The following SMG6 variants were observed in gnomAD, a reference collection of about 807,000 sequenced individuals.
SMG6 encodes SMG6 nonsense mediated mRNA decay factor.
In SMG6, 66 loss-of-function variants were observed where a neutral mutation model predicts 142.2. The observed-to-expected ratio is 0.46, with a 90% CI of 0.38 to 0.57. The LOEUF (loss-of-function observed/expected upper bound fraction) is 0.57, where lower values mean the gene tolerates loss of function less well. Ranked by LOEUF, SMG6 falls within the 20% of genes least tolerant of loss-of-function variation. SMG6 has a pLI of 0.00. For synonymous variants in SMG6, 779 were observed against 702.4 expected (o/e 1.11, Z -1.72); for missense variants, 1,793 against 1,832.0 (o/e 0.98, Z 0.39).
At chr17:2,294,879 CT>C (rs35762226) in intron 4 of SMG6, among the ~76,000 whole-genome samples, 83,145 of 146,460 alleles carry the variant, frequency 0.57, 24,277 homozygotes, top group East Asian at 0.75. Flanking sequence ...TCAATAAACA[CT>C]TTTTTTTTTT....
chr17:2,145,894 G>A (rs1341457427), intron 13 of SMG6, among the ~76,000 whole-genome samples: 2 of 151,990 alleles, frequency 1.3e-5, no homozygotes, highest in African/African-American at 2.4e-5. Flanking sequence ...GTCTGCAACT[G>A]TTCCTGAGTA....
intron 10 of SMG6, among the ~76,000 whole-genome samples, chr17:2,207,394 T>C (rs1025429827): frequency 1.3e-5 from 2 of 152,180 alleles, no homozygotes; most frequent in Non-Finnish European, 2.9e-5. Context: ...ACCTGCTATC[T>C]AATGCAGTTG....
At chr17:2,192,102 A>G (rs1402961576) in intron 10 of SMG6, among the ~76,000 whole-genome samples, 1 of 152,246 alleles carries the variant, frequency 6.6e-6, no homozygotes, top group African/African-American at 2.4e-5. Context: ...AGGATGGCAA[A>G]GCATCCTCCT....
chr17:2,234,599 A>G (rs2151801595), intron 10 of SMG6, among the ~76,000 whole-genome samples: 1 of 152,278 alleles, frequency 6.6e-6, no homozygotes, highest in South Asian at 2.1e-4. Context: ...AACAACAGCT[A>G]CAAGAAAAAG....
chr17:2,146,942 G>A (rs2070686279), intron 13 of SMG6, among the ~76,000 whole-genome samples: 1 of 152,200 alleles, frequency 6.6e-6, no homozygotes, highest in African/African-American at 2.4e-5. Context: ...ACAGCTCTTT[G>A]AGCTGGGTAG....
intron 15 of SMG6, chr17:2,073,038 G>C (rs765069630): frequency 6.6e-6 from 1 of 152,246 alleles, no homozygotes; most frequent in African/African-American, 2.4e-5. Context: ...AACTGGGGAT[G>C]AGGAGGGGTG....
At chr17:2,114,973 AT>A (rs1294864909) in intron 13 of SMG6, among the ~76,000 whole-genome samples, 6 of 108,616 alleles carry the variant, frequency 5.5e-5, no homozygotes, top group Non-Finnish European at 8.7e-5. Context: ...ATGAAATGAA[AT>A]AAAATAAAAT....
intron 6 of SMG6, 108 bp from the exon 7 acceptor site, chr17:2,283,843 CTG>C: frequency 1.3e-6 from 1 of 764,888 alleles, no homozygotes; most frequent in South Asian, 1.6e-5. Context: ...GTCTCCCAAA[CTG>C]AGAGGAATCC....
chr17:2,280,631 A>C (rs1286894997), intron 8 of SMG6: 1 of 978,382 alleles, frequency 1.0e-6, no homozygotes, highest in African/African-American at 1.8e-5. Context: ...ATTTAAATTT[A>C]AAGAAAATTA....
chr17:2,303,785 C>T lies in SMG6; in HGVS notation c.-65G>A, dbSNP rs1390617085. On this transcript the variant is annotated 5_prime_UTR_variant, in exon 1 of 19. In the 5' UTR this introduces an upstream ATG that the reference lacks. Transcript: ENST00000263073. ...GCCGCGCGCAGCCAGGAAACCACCA[C>T]AGACGGGCGGCGCGCGCGCTCGCCC... The T allele has an allele frequency of 5.3e-5, 73 of 1,364,988 alleles. No homozygotes were observed. Among genetic ancestry groups the T allele is most frequent in the Non-Finnish European group, 6.8e-5 (70 of 1,026,606 alleles). The allele number at this position is 1,364,988 out of a possible 1,614,324, so 84.6% of individuals were successfully genotyped here. A position where few individuals can be genotyped will look rare whatever the true frequency, so the allele number is the denominator to read the frequency against.
chr17:2,229,320 T>C (rs2073405512), intron 10 of SMG6: 1 of 152,232 alleles, frequency 6.6e-6, no homozygotes, highest in African/African-American at 2.4e-5. Context: ...CCAACTCTCT[T>C]ACCTTTACTC....
chr17:2,131,224 T>C (rs568906584), intron 13 of SMG6, among the ~76,000 whole-genome samples: 30 of 152,236 alleles, frequency 2.0e-4, no homozygotes, highest in African/African-American at 5.1e-4. Context: ...GAGACTAGTG[T>C]AATAAATAAA....
In SMG6 at chr17:2,068,997, C is replaced by T; in HGVS notation, c.3682-66G>A. 6.5e-7 allele frequency: 1 copy of T among 1,536,254 alleles called. No homozygotes were observed. The highest frequency in any genetic ancestry group is 8.9e-7 in the Non-Finnish European group (1 of 1,118,880). The stretch of plus-strand genomic sequence containing the variant: ...GCAAGCAGGTGGGTGAGCCAGGGCC[C>T]TGACACTACGGTGTGTCAGCATCCT... On this transcript the variant is annotated intron_variant, in intron 15 of 18. Coordinates refer to ENST00000263073, the MANE Select transcript of SMG6 (RefSeq NM_017575.5). This position sits in a 1 kb window ranked among gnomAD's most constrained non-coding sequence, Gnocchi z 6.7.
chr17:2,216,482 T>A (rs1269134488), intron 10 of SMG6, among the ~76,000 whole-genome samples: 1 of 152,244 alleles, frequency 6.6e-6, no homozygotes, highest in Non-Finnish European at 1.5e-5. Flanking sequence ...CAGAATTTTT[T>A]AAAAATATAA....
At chr17:2,172,309 G>C (rs955391203) in intron 13 of SMG6, among the ~76,000 whole-genome samples, 6 of 152,080 alleles carry the variant, frequency 3.9e-5, no homozygotes, top group Non-Finnish European at 7.4e-5. Context: ...GTGGCGGAGG[G>C]GGGCGGGGAG....
rs761840703 is a variant in SMG6, at chr17:2,186,715, C to T, written c.3103G>A (p.Gly1035Ser). The T allele has an allele frequency of 3.4e-5, 55 of 1,614,092 alleles. No individual in the cohort carries two copies. The highest frequency in any genetic ancestry group is 4.2e-5 in the Non-Finnish European group (50 of 1,180,048). ...GGAGGATTCCAGGTGTCCGGGTAGC[C>T]GAGCATCCAATCTGACCAGACTTTG... is the stretch of plus-strand genomic sequence containing the variant. ...SVKVWSDWML[G>S]YPDTWNPPPT... The change falls in exon 12 of 19, where the codon GGC becomes AGC. Residue 1035 changes from glycine to serine, a missense_variant. By Grantham distance (56) the Gly-to-Ser change is moderately conservative. Coordinates refer to ENST00000263073, the MANE Select transcript of SMG6 (RefSeq NM_017575.5).
chr17:2,214,943 A>C (rs775015610), intron 10 of SMG6, among the ~76,000 whole-genome samples: 8 of 152,176 alleles, frequency 5.3e-5, no homozygotes, highest in Non-Finnish European at 8.8e-5. Context: ...CCACATGTCT[A>C]GCCCTAAAGA....
At chr17:2,186,113 A>G (rs1450136300) in intron 12 of SMG6, among the ~76,000 whole-genome samples, 2 of 152,078 alleles carry the variant, frequency 1.3e-5, no homozygotes, top group Non-Finnish European at 2.9e-5. Context: ...CTGTGGTCCC[A>G]GCTACTCAGG....
chr17:2,222,618 A>G (rs2073209406), intron 10 of SMG6, among the ~76,000 whole-genome samples: 1 of 138,462 alleles, frequency 7.2e-6, no homozygotes, highest in Non-Finnish European at 1.5e-5. Context: ...TGGCTTTTAC[A>G]CTGAGTGAAA....
Sources: allele counts gnomAD v4.1 joint callset (sites outside exome capture counted in the v4.1 genomes callset), GRCh38; gene constraint gnomAD v4.1.1; non-coding constraint Gnocchi (gnomAD v3.1); transcripts MANE v1.5; gene names NCBI Gene and HGNC (gene_info 2026-07-23, HGNC 2026-07-21).